GRP: variants seen among roughly 807,000 people sequenced by gnomAD.
GRP encodes the protein gastrin-releasing peptide.
GRP carries 11 observed loss-of-function variants against 12.7 expected under a neutral mutation model. The observed-to-expected ratio is 0.87, with a 90% CI of 0.55 to 1.44. The LOEUF (loss-of-function observed/expected upper bound fraction) is 1.44. Ranked by LOEUF, GRP falls within the 40% of genes most tolerant of loss-of-function variation. GRP has a pLI of 0.00. For missense variants in GRP, 212 were observed against 185.4 expected (o/e 1.14, Z -0.83); for synonymous variants, 84 against 77.7 (o/e 1.08, Z -0.43).
chr18:59,220,551 C>T (rs1568081960), intron 1 of GRP, 147 bp downstream of exon 1: 2 of 623,550 alleles, frequency 3.2e-6, no homozygotes, highest in East Asian at 6.9e-5. Flanking sequence ...AAACACCTTC[C>T]CCGTTCTCCT....
intron 2 of GRP, among the ~76,000 whole-genome samples, chr18:59,226,221 T>G (rs1245465574): frequency 6.6e-6 from 1 of 152,192 alleles, no homozygotes; most frequent in Non-Finnish European, 1.5e-5. Context: ...ATCCTAATAT[T>G]TTAAAACTCA....
At chr18:59,229,024 T>G (rs2069988175) in intron 2 of GRP, among the ~76,000 whole-genome samples, 1 of 152,238 alleles carries the variant, frequency 6.6e-6, no homozygotes, top group Non-Finnish European at 1.5e-5. Flanking sequence ...TTTAAGGGAC[T>G]GCTCTCACTG....
upstream of GRP, among the ~76,000 whole-genome samples, chr18:59,219,796 C>A (rs999472944): frequency 6.6e-6 from 1 of 152,218 alleles, no homozygotes; most frequent in Non-Finnish European, 1.5e-5. Context: ...CCCCACCCCT[C>A]CCGGCCCAGA....
At chr18:59,219,287 A>G (rs1267726228), upstream of GRP, among the ~76,000 whole-genome samples, 2 of 150,904 alleles carry the variant, frequency 1.3e-5, no homozygotes, top group Admixed American at 6.6e-5. Context: ...GAAAAGGGCC[A>G]GCTATCTTCT....
At chr18:59,230,146 T>C (rs1288263150) in intron 2 of GRP, among the ~76,000 whole-genome samples, 1 of 152,144 alleles carries the variant, frequency 6.6e-6, no homozygotes, top group East Asian at 1.9e-4. Flanking sequence ...CAAAAAAAAG[T>C]AGAAGTTAAT....
chr18:59,230,263 T>A (rs2070010586), intron 2 of GRP, 141 bp from the exon 3 acceptor site: 1 of 599,786 alleles, frequency 1.7e-6, no homozygotes, highest in African/African-American at 1.8e-5. Flanking sequence ...AGTTTCTGAT[T>A]TAGTAGGTGT....
intron 1 of GRP, among the ~76,000 whole-genome samples, chr18:59,222,091 A>G (rs2144098087): frequency 6.6e-6 from 1 of 152,316 alleles, no homozygotes; most frequent in Non-Finnish European, 1.5e-5. Context: ...CCACCAGCCA[A>G]TGGGGCTGGA....
intron 1 of GRP, 96 bp downstream of exon 1, chr18:59,220,500 C>A: frequency 8.8e-7 from 1 of 1,137,092 alleles, no homozygotes; most frequent in Non-Finnish European, 1.1e-6. Flanking sequence ...TTTCCCTGGC[C>A]CAGCTTTGGG....
intron 1 of GRP, among the ~76,000 whole-genome samples, chr18:59,222,876 C>T (rs1389567480): frequency 6.6e-6 from 1 of 152,188 alleles, no homozygotes; most frequent in Non-Finnish European, 1.5e-5. Flanking sequence ...TATATGACAA[C>T]ACTTATACTG....
chr18:59,228,095 G>A (rs138856137), intron 2 of GRP, among the ~76,000 whole-genome samples: 252 of 152,174 alleles, frequency 1.7e-3, no homozygotes, highest in African/African-American at 5.4e-3. Flanking sequence ...ATTAGTTATC[G>A]CACACATTGG....
upstream of GRP, among the ~76,000 whole-genome samples, chr18:59,219,822 G>T (rs1375177131): frequency 6.6e-6 from 1 of 151,974 alleles, no homozygotes; most frequent in East Asian, 2.0e-4. Context: ...CAGCGGGGTC[G>T]CCCTCTCCAG....
intron 1 of GRP, among the ~76,000 whole-genome samples, chr18:59,221,934 G>T (rs2069842294): frequency 6.6e-6 from 1 of 152,150 alleles, no homozygotes; most frequent in Non-Finnish European, 1.5e-5. Flanking sequence ...GGTGTGGAGA[G>T]GAGAGGTTGG....
chr18:59,220,658 G>C (rs112904966), intron 1 of GRP, among the ~76,000 whole-genome samples: 45 of 152,254 alleles, frequency 3.0e-4, no homozygotes, highest in African/African-American at 1.0e-3. Flanking sequence ...CTTCCAGCCT[G>C]TCTTCCCCAG....
At chr18:59,224,141 A>T (rs185181058) in intron 1 of GRP, among the ~76,000 whole-genome samples, 9 of 152,300 alleles carry the variant, frequency 5.9e-5, no homozygotes, top group African/African-American at 1.9e-4. Flanking sequence ...ATTCTTAGCA[A>T]GTTAGAAGAC....
intron 1 of GRP, among the ~76,000 whole-genome samples, chr18:59,220,984 T>A (rs906704301): frequency 6.6e-6 from 1 of 152,172 alleles, no homozygotes. Context: ...CCCGCCTGTC[T>A]GTGACTCTCT....
At chr18:59,220,678 G>A (rs771323265) in intron 1 of GRP, among the ~76,000 whole-genome samples, 2 of 152,272 alleles carry the variant, frequency 1.3e-5, no homozygotes, top group East Asian at 1.9e-4. Context: ...GGGCACCCGA[G>A]CTCCCAACAG....
chr18:59,219,878 G>C (rs976692932), upstream of GRP, among the ~76,000 whole-genome samples: 3 of 152,116 alleles, frequency 2.0e-5, no homozygotes, highest in Non-Finnish European at 4.4e-5. Context: ...AGCCTGGAGA[G>C]GGAGGAGTTC....
chr18:59,229,852 T>C (rs143508399), intron 2 of GRP, among the ~76,000 whole-genome samples: 1 of 152,338 alleles, frequency 6.6e-6, no homozygotes, highest in African/African-American at 2.4e-5. Context: ...CCACATTAAC[T>C]CCTCTTCCCA....
chr18:59,223,780 A>G (rs1352200181), intron 1 of GRP, among the ~76,000 whole-genome samples: 1 of 152,064 alleles, frequency 6.6e-6, no homozygotes, highest in Non-Finnish European at 1.5e-5. Flanking sequence ...CAACATAATC[A>G]CCGTTATGGC....
Sources: gnomAD v4.1 joint callset for allele counts (sites outside exome capture counted in the v4.1 genomes callset) on GRCh38, gnomAD v4.1.1 for gene constraint, MANE v1.5 for transcripts, NCBI Gene and HGNC (gene_info 2026-07-23, HGNC 2026-07-21) for gene names.